Variants in LEPR observed in about 807,000 individuals in gnomAD.
The protein encoded by LEPR is leptin receptor, also known as OB receptor.
In LEPR, 56 loss-of-function variants were observed where a neutral mutation model predicts 114.7. The observed-to-expected ratio is 0.49, with a 90% CI of 0.39 to 0.61. LEPR has a LOEUF of 0.61. LEPR is among the 20% of genes least tolerant of loss of function. The probability of loss-of-function intolerance (pLI) is 0.00; values close to 1 mark genes in which losing one functional copy is unlikely to be tolerated. For synonymous variants in LEPR, 443 were observed against 461.4 expected (o/e 0.96, Z 0.51); for missense variants, 1,202 against 1,352.9 (o/e 0.89, Z 1.75).
chr1:65,564,124 G>A (rs1300054031), intron 2 of LEPR, among the ~76,000 whole-genome samples: 1 of 146,140 alleles, frequency 6.8e-6, no homozygotes, highest in Non-Finnish European at 1.5e-5. Flanking sequence ...GATCAAGCCT[G>A]GGCAATGGTG....
At chr1:65,634,379 G>A (rs984321300) in intron 19 of LEPR, 7 of 971,950 alleles carry the variant, frequency 7.2e-6, no homozygotes, top group South Asian at 4.8e-5. Context: ...AATTATGAAA[G>A]GACATTCTTT....
Position 65,592,805 on chromosome 1 carries a change from A to G in LEPR, c.643A>G (p.Ile215Val). Reference sequence around the variant, plus strand: ...CGACACTCTCCTTATGTGTTTGAAAATCACATCTGGTGGAGTAATTTTCCA... The same window carrying G: ...CGACACTCTCCTTATGTGTTTGAAAGTCACATCTGGTGGAGTAATTTTCCA... ...LNDTLLMCLK[I>V]TSGGVIFQSP... is the part of the protein sequence containing the mutation. Residue 215 changes from isoleucine to valine, a missense_variant, in exon 6 of 20, where the codon ATC becomes GTC. Physicochemically the swap from Ile to Val is conservative, Grantham distance 29. Transcript: ENST00000349533. 6.2e-7 allele frequency: 1 copy of G among 1,613,334 alleles called. No individual in the cohort carries two copies. Among genetic ancestry groups the G allele is most frequent in the Non-Finnish European group, 8.5e-7 (1 of 1,179,448 alleles).
In LEPR at chr1:65,628,099, TGAAAA is replaced by T. The variant is rs905541435; in HGVS notation, c.2673+5124_2673+5128del. Among the ~76,000 whole-genome samples the T allele has an allele frequency of 7.9e-5, 12 of 152,218 alleles. No homozygotes were observed. In the East Asian group the frequency reaches 1.7e-3, roughly 22 times the overall value. On this transcript the variant is annotated intron_variant, in intron 19 of 19. Coordinates refer to ENST00000349533, the MANE Select transcript of LEPR (RefSeq NM_002303.6). The stretch of plus-strand genomic sequence containing the variant: ...TTTGAATGTATTTCTAAAAGAAAAA[TGAAAA>T]GAAAACATTTATTTAAAACCACTAT...
intron 14 of LEPR, among the ~76,000 whole-genome samples, chr1:65,611,555 C>G (rs769087112): frequency 3.3e-5 from 5 of 152,172 alleles, no homozygotes; most frequent in African/African-American, 1.2e-4. Flanking sequence ...AGTAGCTTTT[C>G]TTTTTCTTTG....
intron 2 of LEPR, among the ~76,000 whole-genome samples, chr1:65,501,658 A>C (rs541130579): frequency 1.1e-4 from 16 of 152,088 alleles, no homozygotes; most frequent in Admixed American, 3.9e-4. Flanking sequence ...TAGCGTTCCC[A>C]TTTCTTGCCT....
rs1241988729 is a variant in LEPR, at chr1:65,528,934, A to T, written c.-20-36612A>T. The stretch of plus-strand genomic sequence containing the variant: ...ATTCTCCTGCCTCAGCCTCCCAAGT[A>T]TCTGGGATTACAGGCGTGTGCCTCC... On this transcript the variant is annotated intron_variant, in intron 2 of 19. Coordinates refer to ENST00000349533, the MANE Select transcript of LEPR (RefSeq NM_002303.6). Among the ~76,000 whole-genome samples, 5 of 151,166 alleles carry T rather than the reference A, an allele frequency of 3.3e-5. No individual in the cohort carries two copies. The East Asian group carries it at 7.8e-4, about 24-fold the overall frequency.
chr1:65,572,888 T>G (rs1345610656), intron 5 of LEPR, among the ~76,000 whole-genome samples: 1 of 152,332 alleles, frequency 6.6e-6, no homozygotes, highest in East Asian at 1.9e-4. Context: ...CTGTTTTGAC[T>G]GCTTGGGCCA....
At chr1:65,467,520 A>C (rs1284816867) in intron 2 of LEPR, among the ~76,000 whole-genome samples, 1 of 152,154 alleles carries the variant, frequency 6.6e-6, no homozygotes, top group Non-Finnish European at 1.5e-5. Context: ...CAGTCTGTCC[A>C]TTCTCAGAGC....
rs908938342 is a variant in LEPR, at chr1:65,565,994, T to C, written c.40+389T>C. Among the ~76,000 whole-genome samples, 3 of 152,194 alleles carry C rather than the reference T, an allele frequency of 2.0e-5. No individual in the cohort carries two copies. In the East Asian group the frequency reaches 5.8e-4, roughly 29 times the overall value. ...CATTTAACAGGTTTCCAATTTATCA[T>C]GATGGCTTTTTACCTTTATCAGTAT... On this transcript the variant is annotated intron_variant, in intron 3 of 19. Coordinates refer to ENST00000349533, the MANE Select transcript of LEPR (RefSeq NM_002303.6).
intron 2 of LEPR, among the ~76,000 whole-genome samples, chr1:65,440,497 G>A (rs1646636033): frequency 3.9e-5 from 6 of 152,156 alleles, no homozygotes; most frequent in South Asian, 4.1e-4. Flanking sequence ...GGGCGTGAAC[G>A]GGTGACGGTG....
intron 2 of LEPR, among the ~76,000 whole-genome samples, chr1:65,542,605 C>A (rs1651315087): frequency 6.6e-6 from 1 of 151,718 alleles, no homozygotes; most frequent in Non-Finnish European, 1.5e-5. Flanking sequence ...TGGTGCTATC[C>A]CTCCCCTAGC....
chr1:65,606,149 CGAT>C (rs1656792608), intron 11 of LEPR, among the ~76,000 whole-genome samples: 1 of 152,004 alleles, frequency 6.6e-6, no homozygotes. Flanking sequence ...AAAAAATACA[CGAT>C]AAGATTGTCT....
At chr1:65,456,256 G>T (rs1030849864) in intron 2 of LEPR, among the ~76,000 whole-genome samples, 14 of 152,000 alleles carry the variant, frequency 9.2e-5, no homozygotes, top group African/African-American at 3.4e-4. Flanking sequence ...CGTGGCTCAC[G>T]CTGGGAGCTG....
At chr1:65,429,485 G>A (rs1318624563) in intron 2 of LEPR, among the ~76,000 whole-genome samples, 1 of 152,162 alleles carries the variant, frequency 6.6e-6, no homozygotes, top group African/African-American at 2.4e-5. Flanking sequence ...TCAAGCATGC[G>A]TGCACTCAAA....
At chr1:65,576,706 T>A (rs1475688779) in intron 5 of LEPR, 1 of 172,620 alleles carries the variant, frequency 5.8e-6, no homozygotes, top group Non-Finnish European at 1.3e-5. Flanking sequence ...GGAAAAATAC[T>A]GCGCCTTTAT....
At chr1:65,496,106 A>G (rs1384994744) in intron 2 of LEPR, among the ~76,000 whole-genome samples, 1 of 152,210 alleles carries the variant, frequency 6.6e-6, no homozygotes, top group Admixed American at 6.5e-5. Flanking sequence ...TATCACAATT[A>G]CCCTGATATG....
intron 2 of LEPR, among the ~76,000 whole-genome samples, chr1:65,455,277 TC>T (rs1156938167): frequency 6.6e-6 from 1 of 152,236 alleles, no homozygotes; most frequent in African/African-American, 2.4e-5. Flanking sequence ...CCTTCTTCTC[TC>T]AGCTCGTCGA....
intron 2 of LEPR, among the ~76,000 whole-genome samples, chr1:65,463,963 T>C (rs1206964859): frequency 6.6e-6 from 1 of 152,206 alleles, no homozygotes; most frequent in Non-Finnish European, 1.5e-5. Flanking sequence ...AATCATGTCA[T>C]CTGCAAACAG....
chr1:65,546,288 C>G (rs562456245), intron 2 of LEPR, among the ~76,000 whole-genome samples: 1 of 152,090 alleles, frequency 6.6e-6, no homozygotes. Context: ...CTTGGCGATG[C>G]GGGCTCTTTT....
Sources: allele counts gnomAD v4.1 joint callset (sites outside exome capture counted in the v4.1 genomes callset), GRCh38; gene constraint gnomAD v4.1.1; transcripts MANE v1.5; gene names NCBI Gene and HGNC (gene_info 2026-07-23, HGNC 2026-07-21).